RPS6KA3: variants seen among roughly 807,000 people sequenced by gnomAD.
RPS6KA3 encodes ribosomal protein S6 kinase A3.
RPS6KA3 carries 4 observed loss-of-function variants against 67.2 expected under a neutral mutation model. The observed-to-expected ratio is 0.06, with a 90% CI of 0.03 to 0.14. RPS6KA3 has a LOEUF of 0.14. RPS6KA3 is among the 10% of genes least tolerant of loss of function. The pLI is 1.00. For synonymous variants in RPS6KA3, 182 were observed against 183.7 expected (o/e 0.99, Z 0.07); for missense variants, 204 against 559.0 (o/e 0.36, Z 6.40).
At chrX:20,216,654 C>T (rs2068859871) in intron 2 of RPS6KA3, among the ~76,000 whole-genome samples, 1 of 109,736 alleles carries the variant, frequency 9.1e-6, no homozygotes, top group Non-Finnish European at 1.9e-5. Flanking sequence ...TGAGAAAGAC[C>T]TGAGGGAGGT....
chrX:20,185,364 A>ATTTTC (rs771638684), intron 10 of RPS6KA3, among the ~76,000 whole-genome samples: 2 of 109,965 alleles, frequency 1.8e-5, no homozygotes, highest in African/African-American at 6.6e-5. Flanking sequence ...TGATCACTGG[A>ATTTTC]TTTTCTTTTC....
intron 2 of RPS6KA3, among the ~76,000 whole-genome samples, chrX:20,211,714 G>A (rs1372214634): frequency 9.1e-6 from 1 of 110,441 alleles, no homozygotes; most frequent in Non-Finnish European, 1.9e-5. Flanking sequence ...CCAAGTTAAT[G>A]GGCTGGATTC....
At chrX:20,184,348 T>G (rs1172796576) in intron 10 of RPS6KA3, among the ~76,000 whole-genome samples, 1 of 111,042 alleles carries the variant, frequency 9.0e-6, no homozygotes, top group Admixed American at 9.6e-5. Context: ...CTTTTTTAAA[T>G]GTAGGTACTA....
intron 11 of RPS6KA3, 132 bp from the exon 12 acceptor site, chrX:20,176,630 C>T: frequency 1.9e-6 from 1 of 515,401 alleles, no homozygotes; most frequent in Non-Finnish European, 3.3e-6. Context: ...CTTGCTCTGT[C>T]ACCCAGGCTG....
At chrX:20,183,405 T>A (rs1039272959) in intron 10 of RPS6KA3, among the ~76,000 whole-genome samples, 2 of 110,518 alleles carry the variant, frequency 1.8e-5, no homozygotes, top group South Asian at 3.8e-4. Context: ...TGGCCTCAAG[T>A]GATCCTCCCA....
chrX:20,169,555 T>C, intron 15 of RPS6KA3, 64 bp from the exon 16 acceptor site: 2 of 683,375 alleles, frequency 2.9e-6, no homozygotes, highest in Non-Finnish European at 4.8e-6. Context: ...TAATTGTTTA[T>C]AGCTACAGAC....
At chrX:20,187,071 A>G (rs1186258250) in intron 9 of RPS6KA3, among the ~76,000 whole-genome samples, 2 of 110,875 alleles carry the variant, frequency 1.8e-5, no homozygotes, top group Non-Finnish European at 3.8e-5. Context: ...ATGAGCCACC[A>G]CGCCCAGCCT....
At chrX:20,175,588 G>T (rs941355433) in intron 13 of RPS6KA3, among the ~76,000 whole-genome samples, 5 of 111,970 alleles carry the variant, frequency 4.5e-5, no homozygotes, top group Admixed American at 2.8e-4. Flanking sequence ...CTGTCCCATG[G>T]AATTTCCTGA....
At chrX:20,166,937 C>G (rs987786047) in intron 17 of RPS6KA3, among the ~76,000 whole-genome samples, 3 of 110,605 alleles carry the variant, frequency 2.7e-5, no homozygotes, top group Non-Finnish European at 5.7e-5. Flanking sequence ...AGGCTGGTCT[C>G]AAACTCCTGA....
intron 10 of RPS6KA3, among the ~76,000 whole-genome samples, chrX:20,183,882 C>T (rs2067906301): frequency 9.0e-6 from 1 of 111,665 alleles, no homozygotes; most frequent in Non-Finnish European, 1.9e-5. Flanking sequence ...CTGAAATGTG[C>T]CAATCCACAT....
rs1036545474 is a variant in RPS6KA3, at chrX:20,155,302, GT to G, written c.*95del. ...CATTATGGGTACCAGCTGGGACAGT[GT>G]GTGCTTGCAGGTGTCTCTCAGATAC... is the stretch of plus-strand genomic sequence containing the variant. On this transcript the variant is annotated 3_prime_UTR_variant, in exon 22 of 22. Coordinates refer to ENST00000379565, the MANE Select transcript of RPS6KA3 (RefSeq NM_004586.3). 1.0e-6 allele frequency: 1 copy of G among 965,353 alleles called. No homozygotes were observed. The highest frequency in any genetic ancestry group is 1.9e-5 in the African/African-American group (1 of 52,261). 79.6% of individuals were successfully genotyped at this position (965,353 alleles called of 1,213,427 possible).
At chrX:20,216,989 A>G (rs2068871604) in intron 2 of RPS6KA3, among the ~76,000 whole-genome samples, 1 of 112,355 alleles carries the variant, frequency 8.9e-6, no homozygotes, top group Admixed American at 9.5e-5. Flanking sequence ...TGGATCTCAA[A>G]GATTTATTAT....
intron 1 of RPS6KA3, among the ~76,000 whole-genome samples, chrX:20,239,835 A>G (rs998338187): frequency 1.8e-5 from 2 of 111,492 alleles, no homozygotes; most frequent in South Asian, 7.3e-4. Flanking sequence ...CAGGAACTCT[A>G]GAGTATTCCT....
intron 1 of RPS6KA3, among the ~76,000 whole-genome samples, chrX:20,235,093 C>T (rs1479495530): frequency 2.7e-5 from 3 of 111,372 alleles, no homozygotes; most frequent in Admixed American, 9.6e-5. Context: ...TAGTTAAATG[C>T]ATTACAAATG....
At chrX:20,185,837 G>A (rs936700217) in intron 10 of RPS6KA3, among the ~76,000 whole-genome samples, 8 of 111,470 alleles carry the variant, frequency 7.2e-5, no homozygotes, top group African/African-American at 2.3e-4. Flanking sequence ...CTAAATCTAC[G>A]CAGTCTGTTC....
intron 8 of RPS6KA3, 136 bp downstream of exon 8, chrX:20,188,361 C>T: frequency 2.3e-6 from 1 of 429,911 alleles, no homozygotes; most frequent in Non-Finnish European, 4.1e-6. Context: ...CAGGGGTGAG[C>T]CACTACGCCT....
Position 20,176,986 on chromosome X carries a change from A to G in RPS6KA3, c.934+10T>C, listed in dbSNP as rs2067716129. ...ACATACAACATAAACAAATTAGTTA[A>G]AATTTTTACCTAATCTGTTTGCAGG... On this transcript the variant is annotated intron_variant, in intron 11 of 21. Coordinates refer to ENST00000379565, the MANE Select transcript of RPS6KA3 (RefSeq NM_004586.3). 1 of 1,160,036 alleles carries G rather than the reference A, an allele frequency of 8.6e-7. No individual in the cohort carries two copies. Among genetic ancestry groups the G allele is most frequent in the Non-Finnish European group, 1.2e-6 (1 of 848,396 alleles).
intron 3 of RPS6KA3, among the ~76,000 whole-genome samples, chrX:20,205,438 T>A (rs2068550874): frequency 8.9e-6 from 1 of 112,644 alleles, no homozygotes; most frequent in Admixed American, 9.4e-5. Flanking sequence ...CAACTGATTC[T>A]AGGACAAGGC....
At chrX:20,156,043 G>C (rs1371117130) in intron 21 of RPS6KA3, 66 bp downstream of exon 21, 1 of 1,107,035 alleles carries the variant, frequency 9.0e-7, no homozygotes, top group African/African-American at 1.8e-5. Context: ...TGGGGGCATG[G>C]ACAGGGCTTC....
Sources: allele counts gnomAD v4.1 joint callset (sites outside exome capture counted in the v4.1 genomes callset), GRCh38; gene constraint gnomAD v4.1.1; transcripts MANE v1.5; gene names NCBI Gene and HGNC (gene_info 2026-07-23, HGNC 2026-07-21).